The following SH3RF3 variants were observed in gnomAD, a reference collection of about 807,000 sequenced individuals.
SH3RF3 encodes the protein E3 ubiquitin-protein ligase SH3RF3.
A neutral mutation model predicts 66.3 loss-of-function variants in SH3RF3; 29 were observed. That is an observed-to-expected ratio of 0.44 (90% CI 0.33 to 0.60). SH3RF3 has a LOEUF of 0.60. Ranked by LOEUF, SH3RF3 falls within the 20% of genes least tolerant of loss-of-function variation. The pLI is 0.04. For synonymous variants in SH3RF3, 583 were observed against 532.0 expected (o/e 1.10, Z -1.32); for missense variants, 1,194 against 1,190.9 (o/e 1.00, Z -0.04).
At chr2:109,256,924 G>A in intron 1 of SH3RF3, among the ~76,000 whole-genome samples, 1 of 152,158 alleles carries the variant, frequency 6.6e-6, no homozygotes, top group Admixed American at 6.5e-5. Flanking sequence ...CATGAACGGT[G>A]GTGGATGGAG....
chr2:109,402,904 G>A (rs998120779), intron 4 of SH3RF3, among the ~76,000 whole-genome samples: 3 of 152,130 alleles, frequency 2.0e-5, no homozygotes, highest in Admixed American at 6.5e-5. Context: ...AACAGCAGGC[G>A]TCTGCCCTGG....
At chr2:109,397,376 C>T (rs989744837) in intron 3 of SH3RF3, among the ~76,000 whole-genome samples, 7 of 152,116 alleles carry the variant, frequency 4.6e-5, no homozygotes, top group Non-Finnish European at 4.4e-5. Context: ...ATTTGCCTAA[C>T]CCAGCTTGTA....
At chr2:109,328,077 T>A (rs1391049693) in intron 1 of SH3RF3, among the ~76,000 whole-genome samples, 1 of 152,208 alleles carries the variant, frequency 6.6e-6, no homozygotes, top group Admixed American at 6.5e-5. Flanking sequence ...ATCATATTAT[T>A]TTATCCTTCA....
intron 1 of SH3RF3, among the ~76,000 whole-genome samples, chr2:109,241,450 T>C (rs1009789344): frequency 6.6e-6 from 1 of 152,152 alleles, no homozygotes; most frequent in African/African-American, 2.4e-5. Context: ...ACTTTAGGAA[T>C]GTCCTTTTTT....
At position 109,239,206 on chromosome 2, in the gene SH3RF3, G is replaced by A. The variant is rs561905519; in HGVS notation, c.574-108468G>A. Among the ~76,000 whole-genome samples, 47 of 152,136 alleles carry A rather than the reference G, an allele frequency of 3.1e-4. 2 individuals carry two copies. In the South Asian group the frequency reaches 5.4e-3, roughly 18 times the overall value. On this transcript the variant is annotated intron_variant, in intron 1 of 9. Coordinates refer to ENST00000309415, the MANE Select transcript of SH3RF3 (RefSeq NM_001099289.3). ...GGGTGTGAGCCCTGCACAGTGCTCC[G>A]AAAAGAGCTGGGGTCCGTAAATACG...
chr2:109,488,085 C>T lies in SH3RF3; in HGVS notation c.2149-2520C>T, dbSNP rs556761957. Among the ~76,000 whole-genome samples, 6 of 152,288 alleles carry T rather than the reference C, an allele frequency of 3.9e-5. No individual in the cohort carries two copies. The East Asian group carries it at 1.2e-3, about 29-fold the overall frequency. ...CTCCTGCCTGCCAGGAGGGGAGGAG[C>T]GGCCAGCAGCCCCAGAGCCTGCAGA... On this transcript the variant is annotated intron_variant, in intron 8 of 9. Transcript: ENST00000309415.
At chr2:109,251,423 T>C in intron 1 of SH3RF3, 1 of 706,860 alleles carries the variant, frequency 1.4e-6, no homozygotes, top group Non-Finnish European at 2.7e-6. Flanking sequence ...GTAGACACCA[T>C]GAGCAAAGCT....
chr2:109,136,662 G>T (rs191004278), intron 1 of SH3RF3, among the ~76,000 whole-genome samples: 101 of 152,288 alleles, frequency 6.6e-4, no homozygotes, highest in Non-Finnish European at 1.3e-3. Context: ...CTGCGCTCTT[G>T]GGTAGCACGT....
At chr2:109,163,403 T>TC (rs1404991447) in intron 1 of SH3RF3, among the ~76,000 whole-genome samples, 1 of 130,076 alleles carries the variant, frequency 7.7e-6, no homozygotes, top group East Asian at 2.2e-4. Flanking sequence ...TTTTTTTTTT[T>TC]TTTTTTTTTT....
At chr2:109,228,148 A>T (rs1327263411) in intron 1 of SH3RF3, among the ~76,000 whole-genome samples, 1 of 152,146 alleles carries the variant, frequency 6.6e-6, no homozygotes, top group Non-Finnish European at 1.5e-5. Context: ...CAAATGATGT[A>T]CTTGCAACGT....
intron 7 of SH3RF3, among the ~76,000 whole-genome samples, chr2:109,439,709 A>C (rs543585511): frequency 1.5e-4 from 23 of 152,288 alleles, no homozygotes; most frequent in African/African-American, 3.4e-4. Flanking sequence ...GTAAGAGCCC[A>C]GCATAGCCAT....
intron 1 of SH3RF3, chr2:109,251,647 T>C: frequency 1.5e-6 from 2 of 1,378,044 alleles, no homozygotes; most frequent in Non-Finnish European, 2.1e-6. Flanking sequence ...GGAACGAGTA[T>C]AAATAATGGC....
chr2:109,322,068 G>A (rs1296976900), intron 1 of SH3RF3, among the ~76,000 whole-genome samples: 3 of 152,246 alleles, frequency 2.0e-5, no homozygotes, highest in South Asian at 2.1e-4. Context: ...AGCAAGGAGC[G>A]AGAAAGGGTA....
intron 2 of SH3RF3, among the ~76,000 whole-genome samples, chr2:109,361,504 C>G (rs183649368): frequency 6.6e-6 from 1 of 152,100 alleles, no homozygotes; most frequent in African/African-American, 2.4e-5. Flanking sequence ...AATGGAGTCT[C>G]GCTCTGTCAC....
chr2:109,449,063 T>C (rs1677789506), intron 7 of SH3RF3, 107 bp from the exon 8 acceptor site: 1 of 1,324,430 alleles, frequency 7.6e-7, no homozygotes. Context: ...AGAGAGAGGC[T>C]GTGAGTGCTC....
rs1395445959 is a variant in SH3RF3, at chr2:109,129,919, G to A, written c.379G>A (p.Ala127Thr). 3 of 1,499,832 alleles carry A rather than the reference G, an allele frequency of 2.0e-6. No homozygotes were observed. Among genetic ancestry groups the A allele is most frequent in the South Asian group, 2.5e-5 (2 of 80,156 alleles). 92.9% of individuals were successfully genotyped at this position (1,499,832 alleles called of 1,614,324 possible). The part of the protein sequence containing the change: ...LLDGIRQRPR[A>T]GTSPGGSPPA... ...GGACGGCATCCGTCAGCGGCCCCGC[G>A]CGGGCACCAGCCCCGGCGGCAGCCC... The change falls in exon 1 of 10, where the codon GCG (alanine) becomes ACG (threonine). Residue 127 changes from alanine (A) to threonine (T), a missense_variant. By Grantham distance (58) the Ala-to-Thr change is moderately conservative. Transcript: ENST00000309415.
intron 1 of SH3RF3, among the ~76,000 whole-genome samples, chr2:109,228,372 C>T (rs1414606353): frequency 3.3e-5 from 5 of 152,206 alleles, no homozygotes; most frequent in African/African-American, 1.2e-4. Context: ...TCTATTTCCA[C>T]ATGTCACCCT....
In SH3RF3 at chr2:109,129,568, G is replaced by T. The variant is rs1367340326; in HGVS notation, c.28G>T (p.Ala10Ser). The T allele has an allele frequency of 1.3e-6, 2 of 1,487,030 alleles. No individual in the cohort carries two copies. The highest frequency in any genetic ancestry group is 4.6e-5 in the Admixed American group (2 of 43,706). The allele number at this position is 1,487,030 out of a possible 1,614,324, so 92.1% of individuals were successfully genotyped here. MLLGASWLCASKAAAAAAQS... is the reference protein window; with the variant it reads MLLGASWLCSSKAAAAAAQS... ...GCTGCTCGGAGCGTCCTGGCTGTGC[G>T]CATCCAAGGCGGCCGCCGCTGCTGC... Residue 10 changes from alanine to serine, a missense_variant, in exon 1 of 10, where the codon GCA becomes TCA. By Grantham distance (99) the Ala-to-Ser change is moderately conservative. Transcript: ENST00000309415.
rs139012308 is a variant in SH3RF3 at position 109,299,479 on chromosome 2, C to T, written c.574-48195C>T. 2.6e-4 allele frequency among the ~76,000 whole-genome samples: 39 copies of T among 151,952 alleles called. No homozygotes were observed. The East Asian group carries it at 7.0e-3, about 27-fold the overall frequency. ...TGCCAGCCACCAGGGCCTTTTGAAGCAGGGAGACCTCCCATGATGTACCCC... is the reference window on the plus strand; with the variant it reads ...TGCCAGCCACCAGGGCCTTTTGAAGTAGGGAGACCTCCCATGATGTACCCC... On this transcript the variant is annotated intron_variant, in intron 1 of 9. Coordinates refer to ENST00000309415, the MANE Select transcript of SH3RF3 (RefSeq NM_001099289.3).
Sources: gnomAD v4.1 joint callset for allele counts (sites outside exome capture counted in the v4.1 genomes callset) on GRCh38, gnomAD v4.1.1 for gene constraint, MANE v1.5 for transcripts, NCBI Gene and HGNC (gene_info 2026-07-23, HGNC 2026-07-21) for gene names.